ZBTB20: variants seen among roughly 807,000 people sequenced by gnomAD.
The protein encoded by ZBTB20 is zinc finger and BTB domain containing 20, also known as zinc finger and BTB domain-containing protein 20.
In ZBTB20, 9 loss-of-function variants were observed where a neutral mutation model predicts 56.9. The ratio of observed to expected loss-of-function variants is 0.16; its 90% CI spans 0.10 to 0.28. The LOEUF (loss-of-function observed/expected upper bound fraction) is 0.28. ZBTB20 is among the 10% of genes least tolerant of loss of function. ZBTB20 has a pLI of 1.00. For missense variants in ZBTB20, 655 were observed against 1,003.0 expected, an observed-to-expected ratio of 0.65 and a Z score of 4.69; for synonymous variants, 417 against 420.7, an observed-to-expected ratio of 0.99 and a Z score of 0.11.
intron 6 of ZBTB20, among the ~76,000 whole-genome samples, chr3:114,558,483 T>C (rs998871818): frequency 6.6e-6 from 1 of 152,088 alleles, no homozygotes; most frequent in Admixed American, 6.6e-5. Context: ...ACATAGGACA[T>C]GCTACATGAT....
chr3:114,883,916 C>CCTTTTTTTTTTTTTTTTTTTTTTTTT lies in ZBTB20; in HGVS notation c.-417+16387_-417+16388insAAAAAAAAAAAAAAAAAAAAAAAAAG, dbSNP rs1223732179. On this transcript the variant is annotated intron_variant, in intron 4 of 11. Coordinates refer to ENST00000675478, the MANE Select transcript of ZBTB20 (RefSeq NM_001348800.3). The stretch of plus-strand genomic sequence containing the variant: ...GTATAACTGGTAAGAATGGTGTGTT[C>CCTTTTTTTTTTTTTTTTTTTTTTTTT]TTTTTTTTTTTTTTTTTTTTTTTTT... 8.9e-5 allele frequency among the ~76,000 whole-genome samples: 8 copies of CCTTTTTTTTTTTTTTTTTTTTTTTTT among 89,830 alleles called. 3 individuals carry two copies. The highest frequency in any genetic ancestry group is 1.2e-4 in the African/African-American group (3 of 25,080). 58.9% of individuals were successfully genotyped at this position (89,830 alleles called of 152,430 possible). A position where few individuals can be genotyped will look rare whatever the true frequency, so the allele number is the denominator to read the frequency against.
chr3:114,838,189 T>C (rs578143856), intron 4 of ZBTB20, among the ~76,000 whole-genome samples: 12 of 152,210 alleles, frequency 7.9e-5, no homozygotes, highest in Non-Finnish European at 1.6e-4. Flanking sequence ...TGTTAGCTAT[T>C]ATCTATTCTT....
At chr3:114,854,095 T>G (rs539567791) in intron 4 of ZBTB20, among the ~76,000 whole-genome samples, 31 of 152,184 alleles carry the variant, frequency 2.0e-4, no homozygotes, top group Non-Finnish European at 4.3e-4. Context: ...TTCTGTTACT[T>G]ATTATTAATA....
At chr3:114,791,100 T>C (rs953670673) in intron 5 of ZBTB20, among the ~76,000 whole-genome samples, 2 of 152,154 alleles carry the variant, frequency 1.3e-5, no homozygotes, top group African/African-American at 4.8e-5. Context: ...GCTTCACATA[T>C]ATCATTTGAC....
At chr3:114,752,219 T>G (rs1046025136) in intron 5 of ZBTB20, among the ~76,000 whole-genome samples, 1 of 147,610 alleles carries the variant, frequency 6.8e-6, no homozygotes, top group Non-Finnish European at 1.5e-5. Context: ...GAGGTACAAG[T>G]CAGGATTGGA....
chr3:114,532,543 G>A (rs1468659456), intron 6 of ZBTB20, among the ~76,000 whole-genome samples: 1 of 152,136 alleles, frequency 6.6e-6, no homozygotes, highest in Non-Finnish European at 1.5e-5. Flanking sequence ...CTGGGGGAAG[G>A]GGCAGCTGTG....
At chr3:114,739,059 C>G (rs2066388937) in intron 5 of ZBTB20, among the ~76,000 whole-genome samples, 1 of 152,162 alleles carries the variant, frequency 6.6e-6, no homozygotes, top group Non-Finnish European at 1.5e-5. Flanking sequence ...TGTGAGCCAT[C>G]ATGCCTGGCC....
chr3:114,775,231 T>C (rs2069504875), intron 5 of ZBTB20, among the ~76,000 whole-genome samples: 1 of 152,148 alleles, frequency 6.6e-6, no homozygotes, highest in South Asian at 2.1e-4. Flanking sequence ...CCAATTTTCA[T>C]ATGTTAGAAC....
chr3:114,838,548 G>C (rs7615256), intron 4 of ZBTB20, among the ~76,000 whole-genome samples: 7,101 of 146,102 alleles, frequency 0.049, 412 homozygotes, highest in African/African-American at 0.15. Flanking sequence ...TGGTGTGACT[G>C]GGGGGGGAAA....
chr3:114,877,819 T>G (rs1055469805), intron 4 of ZBTB20, among the ~76,000 whole-genome samples: 3 of 152,138 alleles, frequency 2.0e-5, no homozygotes, highest in Non-Finnish European at 2.9e-5. Flanking sequence ...CTAATGACTC[T>G]CTTTATTAGA....
chr3:114,699,266 A>G (rs1371961295), intron 5 of ZBTB20, among the ~76,000 whole-genome samples: 1 of 152,136 alleles, frequency 6.6e-6, no homozygotes, highest in East Asian at 1.9e-4. Flanking sequence ...GTCATGGGAT[A>G]TCAACGTAAT....
At chr3:115,036,704 C>T (rs1310350178) in intron 2 of ZBTB20, among the ~76,000 whole-genome samples, 1 of 152,238 alleles carries the variant, frequency 6.6e-6, no homozygotes, top group Non-Finnish European at 1.5e-5. Flanking sequence ...TGCACCGCAG[C>T]GCCCGGCCAC....
intron 6 of ZBTB20, among the ~76,000 whole-genome samples, chr3:114,529,733 T>C (rs1241657151): frequency 6.6e-6 from 1 of 152,224 alleles, no homozygotes; most frequent in Non-Finnish European, 1.5e-5. Flanking sequence ...GGTTGGGGTT[T>C]TGTTGGTGTG....
At chr3:114,401,628 G>A (rs1053061824) in intron 7 of ZBTB20, among the ~76,000 whole-genome samples, 2 of 152,056 alleles carry the variant, frequency 1.3e-5, no homozygotes, top group South Asian at 2.1e-4. Flanking sequence ...TTTCTTTGAC[G>A]GAGATGACTT....
chr3:115,139,985 A>G (rs1171555942), intron 1 of ZBTB20, among the ~76,000 whole-genome samples: 3 of 152,098 alleles, frequency 2.0e-5, no homozygotes, highest in African/African-American at 7.2e-5. Flanking sequence ...TAAAAGACTA[A>G]AAGTGGAAAG....
intron 3 of ZBTB20, 170 bp from the exon 4 acceptor site, chr3:114,900,512 T>TATATATACACACAC (rs549497546): frequency 2.1e-5 from 3 of 145,642 alleles, no homozygotes; most frequent in African/African-American, 7.6e-5. Flanking sequence ...TGAAAATATA[T>TATATATACACACAC]ACACACACAC....
chr3:115,037,522 T>A (rs140065593), intron 2 of ZBTB20, among the ~76,000 whole-genome samples: 4,618 of 152,252 alleles, frequency 0.03, 84 homozygotes, highest in South Asian at 0.039. Context: ...TGACCTCAAA[T>A]GATCCGCCAG....
chr3:114,477,789 C>T lies in ZBTB20; in HGVS notation c.-255+22563G>A, dbSNP rs1222296431. Reference sequence around the variant, plus strand: ...GCATTACAGGCATGAGCCACCGCGCCCGGTCCGTACCCTGCACTCTTTTGC... The same window carrying T: ...GCATTACAGGCATGAGCCACCGCGCTCGGTCCGTACCCTGCACTCTTTTGC... On this transcript the variant is annotated intron_variant, in intron 7 of 11. Transcript: ENST00000675478. Among the ~76,000 whole-genome samples, 3 of 152,016 alleles carry T rather than the reference C, an allele frequency of 2.0e-5. No homozygotes were observed. The East Asian group carries it at 5.8e-4, about 30-fold the overall frequency.
At chr3:114,429,616 C>T (rs1010032778) in intron 7 of ZBTB20, among the ~76,000 whole-genome samples, 4 of 152,130 alleles carry the variant, frequency 2.6e-5, no homozygotes, top group African/African-American at 4.8e-5. Flanking sequence ...CTAAGTCATG[C>T]TTCTTTCAGA....
Sources: allele counts gnomAD v4.1 joint callset (sites outside exome capture counted in the v4.1 genomes callset), GRCh38; gene constraint gnomAD v4.1.1; transcripts MANE v1.5; gene names NCBI Gene and HGNC (gene_info 2026-07-23, HGNC 2026-07-21).